Variants in HEPHL1 observed in about 807,000 individuals in gnomAD.
HEPHL1 encodes ferroxidase HEPHL1.
Under a neutral mutation model 122.0 loss-of-function variants are expected in HEPHL1, and 123 were observed. That is an observed-to-expected ratio of 1.01 (90% CI 0.87 to 1.17). HEPHL1 has a LOEUF of 1.17. Ranked by LOEUF, HEPHL1 falls within the 50% of genes most tolerant of loss-of-function variation. The pLI is 0.00. For synonymous variants in HEPHL1, 527 were observed against 508.9 expected, an observed-to-expected ratio of 1.04 and a Z score of -0.48; for missense variants, 1,452 against 1,430.5, an observed-to-expected ratio of 1.01 and a Z score of -0.24.
chr11:94,090,841 T>G (rs1194221287), intron 12 of HEPHL1, among the ~76,000 whole-genome samples: 1 of 152,166 alleles, frequency 6.6e-6, no homozygotes, highest in Non-Finnish European at 1.5e-5. Flanking sequence ...TTTATTATCC[T>G]GGTCAGCACA....
At chr11:94,073,187 G>A in intron 7 of HEPHL1, 23 bp downstream of exon 7, 1 of 1,612,434 alleles carries the variant, frequency 6.2e-7, no homozygotes, top group Non-Finnish European at 8.5e-7. Context: ...CATCCCCCAT[G>A]CATTGAACCC....
chr11:94,111,143 A>G, intron 18 of HEPHL1, 78 bp downstream of exon 18: 1 of 1,200,556 alleles, frequency 8.3e-7, no homozygotes, highest in East Asian at 2.6e-5. Flanking sequence ...CATGACAAAA[A>G]CCCAGATATA....
At chr11:94,033,975 G>A (rs1345075233) in intron 1 of HEPHL1, among the ~76,000 whole-genome samples, 1 of 152,134 alleles carries the variant, frequency 6.6e-6, no homozygotes. Flanking sequence ...TGCTTGGCAG[G>A]TAGAGAATGA....
chr11:94,034,090 G>T (rs1945700848), intron 1 of HEPHL1, among the ~76,000 whole-genome samples: 1 of 152,220 alleles, frequency 6.6e-6, no homozygotes, highest in Non-Finnish European at 1.5e-5. Context: ...AGAAGCATGG[G>T]GACCTGGGAG....
intron 12 of HEPHL1, among the ~76,000 whole-genome samples, 184 bp from the exon 13 acceptor site, chr11:94,093,317 T>G (rs915476361): frequency 2.0e-5 from 3 of 152,000 alleles, no homozygotes; most frequent in Non-Finnish European, 4.4e-5. Context: ...CTGAAGGAGC[T>G]TTAAAGTGCA....
At position 94,031,331 on chromosome 11, in the gene HEPHL1, T is replaced by TACACACACAC. The variant is rs3058474; in HGVS notation, c.170+9823_170+9832dup. Among the ~76,000 whole-genome samples the TACACACACAC allele has an allele frequency of 2.4e-3, 347 of 144,596 alleles. 1 individual carries two copies. Among genetic ancestry groups the TACACACACAC allele is most frequent in the African/African-American group, 5.3e-3 (208 of 39,288 alleles). The allele number at this position is 144,596 out of a possible 152,430, so 94.9% of individuals were successfully genotyped here. A position where few individuals can be genotyped will look rare whatever the true frequency, so the allele number is the denominator to read the frequency against. ...TTGCATATGGGTAAATGTGCATTGT[T>TACACACACAC]ACACACACACACACACACACACACA... On this transcript the variant is annotated intron_variant, in intron 1 of 19. Transcript: ENST00000315765.
chr11:94,092,682 G>C (rs1306093846), intron 12 of HEPHL1, among the ~76,000 whole-genome samples: 1 of 152,094 alleles, frequency 6.6e-6, no homozygotes, highest in Non-Finnish European at 1.5e-5. Context: ...TCCTGCATGA[G>C]TTACAGTGCT....
Position 94,021,456 on chromosome 11 carries a change from T to C in HEPHL1, c.88T>C (p.Tyr30His). Residue 30 changes from tyrosine (Y) to histidine (H), a missense_variant, in exon 1 of 20, where the codon TAC becomes CAC. Tyr to His is a moderately conservative substitution (Grantham distance 83). Transcript: ENST00000315765. Reference sequence around the variant, plus strand: ...GGTTGGCACAGTTACCAGAACGTACTACATTGGGATTGTGGAAGAATACTG... The same window carrying C: ...GGTTGGCACAGTTACCAGAACGTACCACATTGGGATTGTGGAAGAATACTG... Reference protein sequence around the residue: ...GLVGTVTRTYYIGIVEEYWNY... With the variant: ...GLVGTVTRTYHIGIVEEYWNY... The C allele has an allele frequency of 2.5e-6, 4 of 1,613,208 alleles. No individual in the cohort carries two copies. Among genetic ancestry groups the C allele is most frequent in the Non-Finnish European group, 3.4e-6 (4 of 1,179,192 alleles).
chr11:94,050,908 A>G (rs1401793087), intron 2 of HEPHL1, among the ~76,000 whole-genome samples: 1 of 152,146 alleles, frequency 6.6e-6, no homozygotes, highest in Non-Finnish European at 1.5e-5. Flanking sequence ...AAGTGAGAAC[A>G]TGTGAAGTTT....
Position 94,099,652 on chromosome 11 carries a change from G to C in HEPHL1, c.2435-1543G>C, listed in dbSNP as rs531388089. Among the ~76,000 whole-genome samples, 382 of 152,300 alleles carry C rather than the reference G, an allele frequency of 2.5e-3. 2 individuals carry two copies. The highest frequency in any genetic ancestry group is 3.3e-3 in the Non-Finnish European group (225 of 68,030). ...CAGGCAGGCCTCCTCGAGCTGCGGT[G>C]GGCTCCACCCAGTTCGAGCTTCCCA... On this transcript the variant is annotated intron_variant, in intron 13 of 19. Transcript: ENST00000315765.
intron 2 of HEPHL1, among the ~76,000 whole-genome samples, chr11:94,047,525 C>T (rs985810929): frequency 6.6e-5 from 10 of 151,930 alleles, no homozygotes; most frequent in African/African-American, 2.2e-4. Flanking sequence ...CATGTCCCTG[C>T]AAAGGACATC....
At chr11:94,086,253 T>G (rs1946217545) in intron 11 of HEPHL1, 64 bp downstream of exon 11, 1 of 1,226,940 alleles carries the variant, frequency 8.2e-7, no homozygotes, top group South Asian at 1.3e-5. Context: ...CTCTTAGAGT[T>G]CTCCCACAGA....
chr11:94,045,334 G>T (rs1278553067), intron 1 of HEPHL1, among the ~76,000 whole-genome samples: 2 of 152,368 alleles, frequency 1.3e-5, no homozygotes, highest in East Asian at 3.9e-4. Flanking sequence ...CACAGGCTGA[G>T]AATGCAGTAA....
rs533972048 is a variant in HEPHL1, at chr11:94,047,403, T to TATGTTTCC, written c.415+1491_415+1498dup. ...GGCCCCAGTGTGTGTTGTTCCCCTC[T>TATGTTTCC]ATGTTTCCATGTGTTCTCATAATTT... is the stretch of plus-strand genomic sequence containing the variant. On this transcript the variant is annotated intron_variant, in intron 2 of 19. Transcript: ENST00000315765. 5.2e-3 allele frequency among the ~76,000 whole-genome samples: 799 copies of TATGTTTCC among 152,240 alleles called. 2 individuals are homozygous for TATGTTTCC. Among genetic ancestry groups the TATGTTTCC allele is most frequent in the Non-Finnish European group, 9.1e-3 (618 of 67,994 alleles).
chr11:94,074,515 A>C (rs963196003), intron 8 of HEPHL1, among the ~76,000 whole-genome samples: 2 of 152,154 alleles, frequency 1.3e-5, no homozygotes, highest in African/African-American at 4.8e-5. Context: ...TTGTTAACTC[A>C]GCAAACATAC....
intron 11 of HEPHL1, among the ~76,000 whole-genome samples, chr11:94,087,034 A>G (rs964765891): frequency 2.6e-5 from 4 of 152,206 alleles, no homozygotes; most frequent in African/African-American, 9.6e-5. Flanking sequence ...TGTGTCATCA[A>G]TTAAGAACTT....
chr11:94,111,017 CA>C lies in HEPHL1; in HGVS notation c.3161del (p.His1054ProfsTer16), dbSNP rs1484911371. On this transcript the variant is annotated frameshift_variant, in exon 18 of 20. Coordinates refer to ENST00000315765, the MANE Select transcript of HEPHL1 (RefSeq NM_001098672.2). LOFTEE classifies it high-confidence loss of function. ...GCTGCTACACTGTCATGTGTCTGAC[CA>C]CATCCATGCTGGCATGGAGACAACC... is the stretch of plus-strand genomic sequence containing the variant. ...TWLLHCHVSD[H>X]IHAGMETTYT... 6.2e-7 allele frequency: 1 copy of C among 1,608,510 alleles called. No individual in the cohort carries two copies. The highest frequency in any genetic ancestry group is 8.5e-7 in the Non-Finnish European group (1 of 1,177,110).
chr11:94,030,766 T>C lies in HEPHL1; in HGVS notation c.170+9228T>C, dbSNP rs557408441. ...GCATCCCAACTTTTATATCCCATTC[T>C]CTTGCACAGGGAAATGTAAGTCTTT... On this transcript the variant is annotated intron_variant, in intron 1 of 19. Transcript: ENST00000315765. Among the ~76,000 whole-genome samples, 7 of 152,326 alleles carry C rather than the reference T, an allele frequency of 4.6e-5. No individual in the cohort carries two copies. In the East Asian group the frequency reaches 1.3e-3, roughly 29 times the overall value.
chr11:94,056,656 ATTATCTATCTATC>A (rs780360961), intron 2 of HEPHL1, among the ~76,000 whole-genome samples: 105 of 106,964 alleles, frequency 9.8e-4, no homozygotes, highest in Admixed American at 3.0e-3. Context: ...GCTATTATTG[ATTATCTATCTATC>A]TATCTATCTA....
Sources: gnomAD v4.1 joint callset for allele counts (sites outside exome capture counted in the v4.1 genomes callset) on GRCh38, gnomAD v4.1.1 for gene constraint, MANE v1.5 for transcripts, NCBI Gene and HGNC (gene_info 2026-07-23, HGNC 2026-07-21) for gene names.